Variants in NHERF1 observed in about 807,000 individuals in gnomAD.
The protein encoded by NHERF1 is Na(+)/H(+) exchange regulatory cofactor NHE-RF1.
At chr17:74,762,809 C>T in the NHERF1 span, among the ~76,000 whole-genome samples, 51 of 152,310 alleles carry the variant, frequency 3.3e-4, 1 homozygote, top group Non-Finnish European at 5.7e-4. The surrounding 1 kb of genome is among the most constrained non-coding windows in gnomAD (Gnocchi z 4.2). Flanking sequence ...CTGCCCGCCT[C>T]GGCCTCCCAA....
the NHERF1 span, among the ~76,000 whole-genome samples, chr17:74,754,277 C>T: frequency 2.6e-5 from 4 of 151,916 alleles, no homozygotes; most frequent in Admixed American, 6.6e-5. Flanking sequence ...CCTCTGTTTT[C>T]GTTGCTCTAA....
chr17:74,766,055 G>A, the NHERF1 span, among the ~76,000 whole-genome samples: 1 of 152,126 alleles, frequency 6.6e-6, no homozygotes, highest in Admixed American at 6.5e-5. Flanking sequence ...GAATTCCCAG[G>A]TAGGAATTAG....
the NHERF1 span, among the ~76,000 whole-genome samples, chr17:74,758,695 G>A: frequency 6.6e-6 from 1 of 152,122 alleles, no homozygotes; most frequent in African/African-American, 2.4e-5. This position sits in a 1 kb window ranked among gnomAD's most constrained non-coding sequence, Gnocchi z 4.3. Flanking sequence ...GATCCTGGGG[G>A]CCACACACCA....
At chr17:74,768,185 G>C in the NHERF1 span, 2 of 1,613,636 alleles carry the variant, frequency 1.2e-6, no homozygotes, top group Non-Finnish European at 1.7e-6. Flanking sequence ...CAGCCTTGGA[G>C]AGCCCCAGGC....
chr17:74,750,778 C>A, the NHERF1 span, among the ~76,000 whole-genome samples: 1 of 146,456 alleles, frequency 6.8e-6, no homozygotes, highest in African/African-American at 2.5e-5. Flanking sequence ...CCCACCCCCA[C>A]CCCCCACAAG....
At chr17:74,765,392 C>T in the NHERF1 span, among the ~76,000 whole-genome samples, 31 of 151,432 alleles carry the variant, frequency 2.0e-4, no homozygotes, top group African/African-American at 7.1e-4. Context: ...CCTGAGTAGC[C>T]GGGACTACAG....
the NHERF1 span, among the ~76,000 whole-genome samples, chr17:74,761,464 C>T: frequency 6.6e-6 from 1 of 152,140 alleles, no homozygotes; most frequent in Non-Finnish European, 1.5e-5. The surrounding 1 kb of genome is among the most constrained non-coding windows in gnomAD (Gnocchi z 4.3). Context: ...AGAGAGAGTT[C>T]GAGTATATGG....
chr17:74,758,127 G>GC, the NHERF1 span, among the ~76,000 whole-genome samples: 2 of 152,254 alleles, frequency 1.3e-5, no homozygotes, highest in African/African-American at 4.8e-5. This position sits in a 1 kb window ranked among gnomAD's most constrained non-coding sequence, Gnocchi z 4.3. Context: ...GCAGGGAGCG[G>GC]CCCTGGGCCT....
At chr17:74,752,858 TG>T in the NHERF1 span, among the ~76,000 whole-genome samples, 1 of 152,256 alleles carries the variant, frequency 6.6e-6, no homozygotes, top group African/African-American at 2.4e-5. Context: ...GGGCATCAAC[TG>T]TGGCCTATTT....
the NHERF1 span, among the ~76,000 whole-genome samples, chr17:74,755,185 G>C: frequency 6.6e-6 from 1 of 152,218 alleles, no homozygotes; most frequent in African/African-American, 2.4e-5. Context: ...CATCACAGTG[G>C]TATAAATTCA....
At chr17:74,762,013 G>T in the NHERF1 span, 1 of 1,613,972 alleles carries the variant, frequency 6.2e-7, no homozygotes, top group Non-Finnish European at 8.5e-7. The surrounding 1 kb of genome is among the most constrained non-coding windows in gnomAD (Gnocchi z 4.2). Flanking sequence ...TCCCTGCAGC[G>T]CGAGCTTCGG....
the NHERF1 span, chr17:74,763,262 C>A: frequency 8.9e-7 from 1 of 1,124,382 alleles, no homozygotes; most frequent in Admixed American, 2.2e-5. Flanking sequence ...GAACTGCAAA[C>A]TGGCTGAGAA....
At chr17:74,750,193 C>T in the NHERF1 span, among the ~76,000 whole-genome samples, 1 of 152,236 alleles carries the variant, frequency 6.6e-6, no homozygotes, top group South Asian at 2.1e-4. Context: ...AGGCCGGTTG[C>T]TTTTTGCCCA....
the NHERF1 span, among the ~76,000 whole-genome samples, chr17:74,756,829 G>A: frequency 1.3e-5 from 2 of 152,138 alleles, no homozygotes; most frequent in Admixed American, 6.5e-5. Flanking sequence ...TAAAGAGCTC[G>A]GTGCCTAACA....
chr17:74,769,050 G>A, the NHERF1 span: 14 of 222,908 alleles, frequency 6.3e-5, no homozygotes, highest in African/African-American at 1.8e-4. Flanking sequence ...CAGAACTGCC[G>A]CTCTCAGTGG....
chr17:74,760,694 T>G, the NHERF1 span, among the ~76,000 whole-genome samples: 8 of 152,218 alleles, frequency 5.3e-5, no homozygotes, highest in Admixed American at 5.2e-4. The surrounding 1 kb of genome is among the most constrained non-coding windows in gnomAD (Gnocchi z 4.5). Context: ...CAGCTTCCTA[T>G]GACTATTCAT....
the NHERF1 span, among the ~76,000 whole-genome samples, chr17:74,761,672 G>A: frequency 6.6e-6 from 1 of 151,820 alleles, no homozygotes. The surrounding 1 kb of genome is among the most constrained non-coding windows in gnomAD (Gnocchi z 4.3). Context: ...AGGGATAGAG[G>A]CCCGATCAAC....
At chr17:74,768,244 A>G in the NHERF1 span, 2 of 1,607,036 alleles carry the variant, frequency 1.2e-6, no homozygotes, top group Non-Finnish European at 1.7e-6. Flanking sequence ...GAGGTAGGCC[A>G]GCCATGCGGG....
the NHERF1 span, among the ~76,000 whole-genome samples, chr17:74,757,981 G>C: frequency 6.6e-6 from 1 of 152,240 alleles, no homozygotes; most frequent in East Asian, 1.9e-4. Context: ...GGGGTCCTGA[G>C]CTAGCTGGCT....
Sources: allele counts gnomAD v4.1 joint callset (sites outside exome capture counted in the v4.1 genomes callset), GRCh38; gene constraint gnomAD v4.1.1; non-coding constraint Gnocchi (gnomAD v3.1); transcripts MANE v1.5; gene names NCBI Gene and HGNC (gene_info 2026-07-23, HGNC 2026-07-21).